The following KAZN variants were observed in gnomAD, a reference collection of about 807,000 sequenced individuals.
KAZN encodes the protein kazrin, periplakin interacting protein.
Under a neutral mutation model 87.4 loss-of-function variants are expected in KAZN, and 40 were observed. The ratio of observed to expected loss-of-function variants is 0.46; its 90% confidence interval spans 0.36 to 0.60. The LOEUF (loss-of-function observed/expected upper bound fraction) is 0.60, where lower values mean the gene tolerates loss of function less well. Ranked by LOEUF, KAZN falls within the 20% of genes least tolerant of loss-of-function variation. The pLI is 0.00. For synonymous variants in KAZN, 466 were observed against 458.3 expected, an observed-to-expected ratio of 1.02 and a Z score of -0.22; for missense variants, 898 against 1,073.9, an observed-to-expected ratio of 0.84 and a Z score of 2.29.
At chr1:14,307,515 G>A (rs143334714) in intron 2 of KAZN, among the ~76,000 whole-genome samples, 11 of 152,152 alleles carry the variant, frequency 7.2e-5, no homozygotes, top group Admixed American at 2.0e-4. Context: ...CTTTACAGAC[G>A]TGGAAACTGA....
chr1:14,572,905 G>C (rs1031155047), intron 2 of KAZN, among the ~76,000 whole-genome samples: 1 of 152,130 alleles, frequency 6.6e-6, no homozygotes, highest in Non-Finnish European at 1.5e-5. Flanking sequence ...TATATACCTA[G>C]CACTCTTCTG....
intron 1 of KAZN, among the ~76,000 whole-genome samples, chr1:13,894,062 G>A (rs944177697): frequency 2.0e-5 from 3 of 152,162 alleles, no homozygotes; most frequent in Non-Finnish European, 2.9e-5. Context: ...AGGAGGGTGC[G>A]TCAGGATGGA....
intron 2 of KAZN, among the ~76,000 whole-genome samples, chr1:14,965,599 G>A (rs905005038): frequency 3.9e-5 from 6 of 152,166 alleles, no homozygotes; most frequent in African/African-American, 1.4e-4. Flanking sequence ...ATAATGTTCT[G>A]CCAAATGGAG....
chr1:14,191,888 T>A (rs573887289), intron 2 of KAZN, among the ~76,000 whole-genome samples: 61 of 152,244 alleles, frequency 4.0e-4, no homozygotes, highest in Non-Finnish European at 8.4e-4. Context: ...CCTCCAGAGC[T>A]ATCCTAGAGA....
intron 2 of KAZN, among the ~76,000 whole-genome samples, chr1:14,269,899 C>T (rs1651786132): frequency 6.6e-6 from 1 of 152,174 alleles, no homozygotes; most frequent in Admixed American, 6.5e-5. Context: ...GTATCTCTGT[C>T]TGAGTCTGCT....
chr1:14,101,119 G>A lies in KAZN; in HGVS notation c.92-79316G>A, dbSNP rs185951986. On this transcript the variant is annotated intron_variant, in intron 1 of 16. Transcript: ENST00000636203. ...TTATCAGCAGCGTGAAAATGGACTAGTACACAGTGCACGGTGGGAGCCCTC... is the reference window on the plus strand; with the variant it reads ...TTATCAGCAGCGTGAAAATGGACTAATACACAGTGCACGGTGGGAGCCCTC... 1.4e-3 allele frequency among the ~76,000 whole-genome samples: 212 copies of A among 152,204 alleles called. 1 individual carries two copies. In the Middle Eastern group the frequency reaches 0.02, roughly 15 times the overall value.
Position 15,104,135 on chromosome 1 carries a change from A to C in KAZN, c.1994A>C (p.His665Pro). Residue 665 changes from histidine to proline, a missense_variant, in exon 13 of 15, where the codon CAC becomes CCC. Transcript: ENST00000376030. ...ATALGIPSGKHILRRHLAEEM... is the reference protein window; with the variant it reads ...ATALGIPSGKPILRRHLAEEM... The stretch of plus-strand genomic sequence containing the variant: ...GCCCTGGGCATCCCCAGTGGGAAGC[A>C]CATCCTCCGGAGACACCTGGCAGAG... 6.2e-7 allele frequency: 1 copy of C among 1,607,576 alleles called. No homozygotes were observed. Among genetic ancestry groups the C allele is most frequent in the African/African-American group, 1.3e-5 (1 of 74,918 alleles).
chr1:14,747,425 C>T (rs1265417970), intron 1 of KAZN, among the ~76,000 whole-genome samples: 1 of 152,154 alleles, frequency 6.6e-6, no homozygotes, highest in Non-Finnish European at 1.5e-5. Flanking sequence ...TACAGGCATG[C>T]ACCACCATGC....
chr1:13,949,735 T>C (rs1423846856), intron 1 of KAZN, among the ~76,000 whole-genome samples: 2 of 152,196 alleles, frequency 1.3e-5, no homozygotes, highest in African/African-American at 2.4e-5. Flanking sequence ...GAAGTTGTCT[T>C]TCCCAAGGCT....
At chr1:14,285,156 T>A (rs1315486939) in intron 2 of KAZN, among the ~76,000 whole-genome samples, 1 of 152,178 alleles carries the variant, frequency 6.6e-6, no homozygotes. Flanking sequence ...GTCGGTAAAG[T>A]GTTGCATAGA....
chr1:14,111,399 A>C (rs1570761877), intron 1 of KAZN, among the ~76,000 whole-genome samples: 1 of 133,940 alleles, frequency 7.5e-6, no homozygotes, highest in East Asian at 2.9e-4. Context: ...ACATTGGAAA[A>C]GTGAAGGAAC....
intron 2 of KAZN, among the ~76,000 whole-genome samples, chr1:14,399,655 C>A (rs565182148): frequency 6.6e-6 from 1 of 152,102 alleles, no homozygotes; most frequent in South Asian, 2.1e-4. Flanking sequence ...GAGACATCCA[C>A]GTTGCTAAGG....
At chr1:13,905,861 A>G (rs1488202654) in intron 1 of KAZN, among the ~76,000 whole-genome samples, 1 of 152,328 alleles carries the variant, frequency 6.6e-6, no homozygotes, top group Non-Finnish European at 1.5e-5. Flanking sequence ...AACGACAGAA[A>G]CATATTATCT....
intron 1 of KAZN, among the ~76,000 whole-genome samples, chr1:14,868,172 G>A (rs918653738): frequency 1.4e-4 from 21 of 151,936 alleles, no homozygotes; most frequent in East Asian, 9.7e-4. Flanking sequence ...GGCGGGCATC[G>A]CATAGGCAGG....
intron 2 of KAZN, among the ~76,000 whole-genome samples, chr1:15,013,671 C>T (rs936444564): frequency 1.3e-5 from 2 of 151,786 alleles, no homozygotes; most frequent in African/African-American, 4.9e-5. Flanking sequence ...GGGAGAATCG[C>T]TTGAGCCTGG....
intron 2 of KAZN, among the ~76,000 whole-genome samples, chr1:14,591,900 C>G (rs1377772245): frequency 6.6e-6 from 1 of 152,174 alleles, no homozygotes; most frequent in Non-Finnish European, 1.5e-5. Context: ...ACACTCCTCT[C>G]CCCTGTTTTT....
chr1:14,004,929 C>G (rs1364009485), intron 1 of KAZN, among the ~76,000 whole-genome samples: 1 of 151,808 alleles, frequency 6.6e-6, no homozygotes, highest in African/African-American at 2.4e-5. Context: ...TGTTAGTACA[C>G]TCAGCCCCTC....
In KAZN at chr1:13,979,098, G is replaced by GAA. The variant is rs765615982; in HGVS notation, c.91+85354_91+85355dup. Among the ~76,000 whole-genome samples, 121 of 108,924 alleles carry GAA rather than the reference G, an allele frequency of 1.1e-3. 1 individual carries two copies. The highest frequency in any genetic ancestry group is 4.0e-3 in the African/African-American group (117 of 29,458). 71.5% of individuals were successfully genotyped at this position (108,924 alleles called of 152,430 possible). The stretch of plus-strand genomic sequence containing the variant: ...GTGACAGAGTGAAATCCAGTCTCAA[G>GAA]AAAAAAAAAAAAAGCAAAATTTGAA... On this transcript the variant is annotated intron_variant, in intron 1 of 16. Coordinates refer to the KAZN transcript ENST00000636203.
chr1:14,491,598 G>A (rs1157501046), intron 2 of KAZN, among the ~76,000 whole-genome samples: 1 of 152,138 alleles, frequency 6.6e-6, no homozygotes, highest in African/African-American at 2.4e-5. Context: ...GATGGTAGTT[G>A]CTGGTTTTAG....
Sources: allele counts gnomAD v4.1 joint callset (sites outside exome capture counted in the v4.1 genomes callset), GRCh38; gene constraint gnomAD v4.1.1; transcripts MANE v1.5; gene names NCBI Gene and HGNC (gene_info 2026-07-23, HGNC 2026-07-21).